MSX1: variants seen among roughly 807,000 people sequenced by gnomAD.
MSX1 encodes the protein homeobox protein MSX-1.
In MSX1, 11 loss-of-function variants were observed where a neutral mutation model predicts 17.0. The observed-to-expected ratio is 0.65, with a 90% CI of 0.41 to 1.07. The LOEUF is 1.07. Ranked by LOEUF, MSX1 falls within the 50% of genes least tolerant of loss-of-function variation. MSX1 has a pLI of 0.00. For synonymous variants in MSX1, 253 were observed against 211.8 expected (o/e 1.19, Z -1.69); for missense variants, 477 against 440.1 (o/e 1.08, Z -0.75).
In MSX1 at chr4:4,863,048, G is replaced by A. The variant is rs184700656; in HGVS notation, c.817G>A (p.Gly273Ser). The A allele has an allele frequency of 1.8e-4, 284 of 1,609,492 alleles. No homozygotes were observed. The highest frequency in any genetic ancestry group is 2.1e-4 in the Non-Finnish European group (253 of 1,178,666). ...VAAAAGASLYGASGPFQRAAL... is the reference protein window; with the variant it reads ...VAAAAGASLYSASGPFQRAAL... ...GGCCGCGGCGGGTGCCTCGCTCTAC[G>A]GTGCCTCTGGCCCCTTCCAGCGCGC... Residue 273 changes from glycine (G) to serine (S), a missense_variant, in exon 2 of 2, where the codon GGT (glycine) becomes AGT (serine). Physicochemically the swap from Gly to Ser is moderately conservative, Grantham distance 56. Coordinates refer to ENST00000382723, the MANE Select transcript of MSX1 (RefSeq NM_002448.3).
Position 4,863,011 on chromosome 4 carries a change from C to G in MSX1, c.780C>G (p.Pro260=), listed in dbSNP as rs778239735. The change falls in exon 2 of 2, where the codon CCC becomes CCG. Residue 260 remains proline, a synonymous_variant. Transcript: ENST00000382723. The stretch of plus-strand genomic sequence containing the variant: ...GCCTCTCCTTCCCTCTCGGCGGCCC[C>G]GCAGCTGTAGCGGCCGCGGCGGGTG... The part of the protein sequence containing the change: ...AFGLSFPLGG[P]AAVAAAAGAS... 4 of 1,612,142 alleles carry G rather than the reference C, an allele frequency of 2.5e-6. No homozygotes were observed. The South Asian group carries it at 3.3e-5, about 13-fold the overall frequency.
At position 4,860,267 on chromosome 4, in the gene MSX1, T is replaced by C; in HGVS notation, c.368T>C (p.Leu123Pro). Residue 123 changes from leucine (L) to proline (P), a missense_variant, in exon 1 of 2, where the codon CTC becomes CCC. Leu to Pro is a moderately conservative substitution (Grantham distance 98). This residue lies in a region of MSX1 where 355 missense variants were observed against 306.1 expected (regional missense o/e 1.16). Transcript: ENST00000382723. The stretch of plus-strand genomic sequence containing the variant: ...CTCGGCCATTTCTCGGTGGGGGGAC[T>C]CCTCAAGCTGCCAGAAGATGCGCTC... ...RPLGHFSVGG[L>P]LKLPEDALVK... The C allele has an allele frequency of 6.3e-7, 1 of 1,596,066 alleles. No homozygotes were observed. The highest frequency in any genetic ancestry group is 8.5e-7 in the Non-Finnish European group (1 of 1,178,482).
In MSX1 at chr4:4,862,528, G is replaced by A. The variant is rs192546588; in HGVS notation, c.470-173G>A. 22 of 821,124 alleles carry A rather than the reference G, an allele frequency of 2.7e-5. No homozygotes were observed. The African/African-American group carries it at 3.2e-4, about 12-fold the overall frequency. 50.9% of individuals were successfully genotyped at this position (821,124 alleles called of 1,614,324 possible). Reference sequence around the variant, plus strand: ...ACAGGAACTTCTCCCCTGCGGGGTTGCAATGGGAATTGGAGAAAATATATT... The same window carrying A: ...ACAGGAACTTCTCCCCTGCGGGGTTACAATGGGAATTGGAGAAAATATATT... On this transcript the variant is annotated intron_variant, in intron 1 of 1. Coordinates refer to ENST00000382723, the MANE Select transcript of MSX1 (RefSeq NM_002448.3).
rs994158401 is a variant in MSX1, at chr4:4,860,050, A to G, written c.151A>G (p.Lys51Glu). ...CATGGGCGCGGACGAGGAGGGGGCC[A>G]AGCCCAAAGTGTCCCCTTCGCTCCT... The part of the protein sequence containing the change: ...AAMGADEEGA[K>E]PKVSPSLLPF... The change falls in exon 1 of 2, where the codon AAG becomes GAG. Residue 51 changes from lysine (K) to glutamate (E), a missense_variant. By Grantham distance (56) the Lys-to-Glu change is moderately conservative (BLOSUM62 1). Coordinates refer to ENST00000382723, the MANE Select transcript of MSX1 (RefSeq NM_002448.3). 1.5e-4 allele frequency: 220 copies of G among 1,514,566 alleles called. No homozygotes were observed. In the Admixed American group the frequency reaches 4.6e-3, roughly 31 times the overall value. The allele number at this position is 1,514,566 out of a possible 1,614,324, so 93.8% of individuals were successfully genotyped here.
rs1465832349 is a variant in MSX1, at chr4:4,860,070, G to C, written c.171G>C (p.Ser57=). ...GGGCCAAGCCCAAAGTGTCCCCTTC[G>C]CTCCTGCCCTTCAGCGTGGAGGCGC... The part of the protein sequence containing the change: ...EEGAKPKVSP[S]LLPFSVEALM... Residue 57 remains serine, a synonymous_variant, in exon 1 of 2, where the codon TCG becomes TCC. Transcript: ENST00000382723. 6.6e-7 allele frequency: 1 copy of C among 1,520,584 alleles called. No individual in the cohort carries two copies. The highest frequency in any genetic ancestry group is 2.1e-5 in the Admixed American group (1 of 47,804). 94.2% of individuals were successfully genotyped at this position (1,520,584 alleles called of 1,614,324 possible).
rs962531436 is a variant in MSX1 at position 4,863,227 on chromosome 4, C to T, written c.*84C>T. On this transcript the variant is annotated 3_prime_UTR_variant, in exon 2 of 2. Transcript: ENST00000382723. ...CCCGACGTGCTCCCCTGCTCGGCACCGCCAGCCGCCTTCCCTTTAACCCTC... is the reference window on the plus strand; with the variant it reads ...CCCGACGTGCTCCCCTGCTCGGCACTGCCAGCCGCCTTCCCTTTAACCCTC... The T allele has an allele frequency of 3.7e-6, 5 of 1,365,800 alleles. No homozygotes were observed. Among genetic ancestry groups the T allele is most frequent in the East Asian group, 4.9e-5 (2 of 40,438 alleles). The allele number at this position is 1,365,800 out of a possible 1,614,324, so 84.6% of individuals were successfully genotyped here. A position where few individuals can be genotyped will look rare whatever the true frequency, so the allele number is the denominator to read the frequency against.
At chr4:4,861,212 G>A (rs1177591702) in intron 1 of MSX1, among the ~76,000 whole-genome samples, 1 of 152,240 alleles carries the variant, frequency 6.6e-6, no homozygotes, top group Non-Finnish European at 1.5e-5. Flanking sequence ...TTTTATCTGG[G>A]GATTAAACGT....
rs1188749715 is a variant in MSX1 at position 4,860,163 on chromosome 4, G to A, written c.264G>A (p.Ala88=). 7 of 1,507,754 alleles carry A rather than the reference G, an allele frequency of 4.6e-6. No homozygotes were observed. The highest frequency in any genetic ancestry group is 1.2e-5 in the South Asian group (1 of 80,872). The allele number at this position is 1,507,754 out of a possible 1,614,324, so 93.4% of individuals were successfully genotyped here. ...SALAPSEGVQ[A]AGGSAQPLGV... Reference sequence around the variant, plus strand: ...TGGCGCCCTCCGAGGGCGTGCAGGCGGCGGGTGGCTCGGCGCAGCCACTGG... The same window carrying A: ...TGGCGCCCTCCGAGGGCGTGCAGGCAGCGGGTGGCTCGGCGCAGCCACTGG... The change falls in exon 1 of 2, where the codon GCG becomes GCA. Residue 88 remains alanine, a synonymous_variant. Coordinates refer to ENST00000382723, the MANE Select transcript of MSX1 (RefSeq NM_002448.3).
intron 1 of MSX1, 83 bp downstream of exon 1, chr4:4,860,451 CT>C: frequency 6.7e-7 from 1 of 1,492,834 alleles, no homozygotes; most frequent in South Asian, 1.2e-5. Flanking sequence ...TCCTGGTGGC[CT>C]CCGGCGCCTG....
Position 4,860,325 on chromosome 4 carries a change from G to T in MSX1, c.426G>T (p.Arg142Ser), listed in dbSNP as rs1249758312. The T allele has an allele frequency of 6.2e-6, 10 of 1,603,882 alleles. No homozygotes were observed. The highest frequency in any genetic ancestry group is 2.2e-5 in the South Asian group (2 of 91,026). The stretch of plus-strand genomic sequence containing the variant: ...CCGAGAGCCCCGAGAAGCCCGAGAG[G>T]ACCCCGTGGATGCAGAGCCCCCGCT... ...VKAESPEKPE[R>S]TPWMQSPRFS... Residue 142 changes from arginine to serine, a missense_variant, in exon 1 of 2, where the codon AGG becomes AGT. Around this residue, in one of 3 missense-constraint regions of MSX1, gnomAD observed 355 missense variants for 306.1 expected, o/e 1.16. Transcript: ENST00000382723.
In MSX1 at chr4:4,860,070, G is replaced by A. The variant is rs1465832349; in HGVS notation, c.171G>A (p.Ser57=). The A allele has an allele frequency of 6.6e-7, 1 of 1,520,694 alleles. No homozygotes were observed. The highest frequency in any genetic ancestry group is 8.8e-7 in the Non-Finnish European group (1 of 1,135,966). The allele number at this position is 1,520,694 out of a possible 1,614,324, so 94.2% of individuals were successfully genotyped here. A position where few individuals can be genotyped will look rare whatever the true frequency, so the allele number is the denominator to read the frequency against. ...GGGCCAAGCCCAAAGTGTCCCCTTC[G>A]CTCCTGCCCTTCAGCGTGGAGGCGC... ...EEGAKPKVSP[S]LLPFSVEALM... Residue 57 remains serine, a synonymous_variant, in exon 1 of 2, where the codon TCG becomes TCA. Transcript: ENST00000382723.
At chr4:4,862,359 G>T (rs1283961142) in intron 1 of MSX1, 2 of 472,192 alleles carry the variant, frequency 4.2e-6, no homozygotes, top group South Asian at 2.0e-5. Context: ...GAGGAGGCCC[G>T]CCATGAAGGC....
At position 4,863,041 on chromosome 4, in the gene MSX1, G is replaced by T. The variant is rs776717375; in HGVS notation, c.810G>T (p.Ser270=). 1 of 1,609,180 alleles carries T rather than the reference G, an allele frequency of 6.2e-7. No individual in the cohort carries two copies. The change falls in exon 2 of 2, where the codon TCG becomes TCT. Residue 270 remains serine, a synonymous_variant. Transcript: ENST00000382723. ...CTGTAGCGGCCGCGGCGGGTGCCTC[G>T]CTCTACGGTGCCTCTGGCCCCTTCC... ...PAAVAAAAGA[S]LYGASGPFQR...
rs192885837 is a variant in MSX1, at chr4:4,861,940, G to C, written c.470-761G>C. On this transcript the variant is annotated intron_variant, in intron 1 of 1. Transcript: ENST00000382723. The stretch of plus-strand genomic sequence containing the variant: ...ACACACAAACGTTTGAGTGGGGCCA[G>C]AGGGCCCTGGCGCCAGGGGTGAACG... 2.6e-5 allele frequency among the ~76,000 whole-genome samples: 4 copies of C among 152,164 alleles called. No homozygotes were observed. In the East Asian group the frequency reaches 7.7e-4, roughly 29 times the overall value.
chr4:4,860,118 G>A lies in MSX1; in HGVS notation c.219G>A (p.Pro73=), dbSNP rs1386225531. ...VEALMADHRK[P]GAKESALAPS... ...CGCTCATGGCCGACCACAGGAAGCC[G>A]GGGGCCAAGGAGAGCGCCCTGGCGC... Residue 73 remains proline (P), a synonymous_variant, in exon 1 of 2, where the codon CCG becomes CCA. Transcript: ENST00000382723. 2.0e-6 allele frequency: 3 copies of A among 1,514,998 alleles called. 1 individual carries two copies. Among genetic ancestry groups the A allele is most frequent in the South Asian group, 2.5e-5 (2 of 81,164 alleles). 93.8% of individuals were successfully genotyped at this position (1,514,998 alleles called of 1,614,324 possible).
rs1577535113 is a variant in MSX1, at chr4:4,860,138, T to G, written c.239T>G (p.Leu80Arg). 1.3e-6 allele frequency: 2 copies of G among 1,512,598 alleles called. No homozygotes were observed. Among genetic ancestry groups the G allele is most frequent in the African/African-American group, 1.4e-5 (1 of 69,238 alleles). The allele number at this position is 1,512,598 out of a possible 1,614,324, so 93.7% of individuals were successfully genotyped here. ...HRKPGAKESA[L>R]APSEGVQAAG... ...AAGCCGGGGGCCAAGGAGAGCGCCC[T>G]GGCGCCCTCCGAGGGCGTGCAGGCG... The change falls in exon 1 of 2, where the codon CTG becomes CGG. Residue 80 changes from leucine to arginine, a missense_variant. Leu to Arg is a moderately radical substitution (Grantham distance 102). Coordinates refer to ENST00000382723, the MANE Select transcript of MSX1 (RefSeq NM_002448.3).
At chr4:4,861,567 T>C (rs192855653) in intron 1 of MSX1, among the ~76,000 whole-genome samples, 3 of 152,394 alleles carry the variant, frequency 2.0e-5, no homozygotes, top group Admixed American at 1.3e-4. Context: ...TGGTGAAACA[T>C]CTTCGATTTG....
Position 4,859,849 on chromosome 4 carries a change from C to T in MSX1, c.-51C>T, listed in dbSNP as rs901027117. On this transcript the variant is annotated 5_prime_UTR_variant, in exon 1 of 2. Transcript: ENST00000382723. ...CCGCGCTCCCAGCCCGCCCGGAGCC[C>T]ATGCCCGGCGGCTGGCCAGTGCTGC... The T allele has an allele frequency of 7.1e-6, 10 of 1,413,364 alleles. No homozygotes were observed. In the African/African-American group the frequency reaches 1.5e-4, roughly 21 times the overall value. 87.6% of individuals were successfully genotyped at this position (1,413,364 alleles called of 1,614,324 possible).
At chr4:4,860,604 C>A (rs1312827506) in intron 1 of MSX1, among the ~76,000 whole-genome samples, 1 of 152,182 alleles carries the variant, frequency 6.6e-6, no homozygotes, top group Non-Finnish European at 1.5e-5. Flanking sequence ...GATAGGACAC[C>A]GATGTCTGGG....
Sources: gnomAD v4.1 joint callset for allele counts (sites outside exome capture counted in the v4.1 genomes callset) on GRCh38, gnomAD v4.1.1 for gene constraint, gnomAD v4.1.1 regional missense constraint, MANE v1.5 for transcripts, NCBI Gene and HGNC (gene_info 2026-07-23, HGNC 2026-07-21) for gene names.